BCKDHB: variants seen among roughly 807,000 people sequenced by gnomAD.
The protein encoded by BCKDHB is branched chain keto acid dehydrogenase E1 subunit beta, also known as 2-oxoisovalerate dehydrogenase subunit beta, mitochondrial.
Under a neutral mutation model 48.5 loss-of-function variants are expected in BCKDHB, and 41 were observed. That is an observed-to-expected ratio of 0.85 (90% CI 0.66 to 1.10). BCKDHB has a LOEUF of 1.10. Ranked by LOEUF, BCKDHB falls within the 50% of genes least tolerant of loss-of-function variation. The pLI is 0.00. For missense variants in BCKDHB, 496 were observed against 494.2 expected, an observed-to-expected ratio of 1.00 and a Z score of -0.03; for synonymous variants, 201 against 174.8, an observed-to-expected ratio of 1.15 and a Z score of -1.18.
chr6:80,407,714 G>A, the BCKDHB span, among the ~76,000 whole-genome samples: 8 of 152,172 alleles, frequency 5.3e-5, no homozygotes, highest in Non-Finnish European at 8.8e-5. Flanking sequence ...TGTATCCTGA[G>A]ACTTTGCTGA....
In BCKDHB at chr6:80,204,935, G is replaced by GAGGA. The variant is rs148492956; in HGVS notation, c.951+1724_951+1727dup. Among the ~76,000 whole-genome samples the GAGGA allele has an allele frequency of 9.3e-3, 1,416 of 152,172 alleles. 29 individuals carry two copies. The highest frequency in any genetic ancestry group is 0.032 in the African/African-American group (1,347 of 41,542). On this transcript the variant is annotated intron_variant, in intron 8 of 9. Coordinates refer to ENST00000320393, the MANE Select transcript of BCKDHB (RefSeq NM_183050.4). Reference sequence around the variant, plus strand: ...CTCTATCCTACTGGGAAAGATGAAAGAGGAGACAAGCGATCTCTACTGAAT... The same window carrying GAGGA: ...CTCTATCCTACTGGGAAAGATGAAAGAGGAAGGAGACAAGCGATCTCTACTGAAT...
At chr6:80,402,979 C>A in the BCKDHB span, among the ~76,000 whole-genome samples, 1 of 151,778 alleles carries the variant, frequency 6.6e-6, no homozygotes, top group Non-Finnish European at 1.5e-5. Flanking sequence ...GTTTTTATAA[C>A]AGTATCACAC....
chr6:80,216,683 A>G (rs1775187386), intron 8 of BCKDHB, among the ~76,000 whole-genome samples: 1 of 152,216 alleles, frequency 6.6e-6, no homozygotes, highest in South Asian at 2.1e-4. Flanking sequence ...TTATAGGTAC[A>G]TTATGTTCTT....
chr6:80,159,328 C>G (rs1772203841), intron 3 of BCKDHB, among the ~76,000 whole-genome samples: 1 of 152,004 alleles, frequency 6.6e-6, no homozygotes, highest in Admixed American at 6.6e-5. Flanking sequence ...ATCTTCTCAA[C>G]TAGTACAGAG....
In BCKDHB at chr6:80,163,233, C is replaced by T. The variant is rs545199900; in HGVS notation, c.344-4445C>T. 3.9e-5 allele frequency among the ~76,000 whole-genome samples: 6 copies of T among 152,058 alleles called. No homozygotes were observed. In the East Asian group the frequency reaches 9.7e-4, roughly 25 times the overall value. ...TCTCTCTTTTATAGCACCGTTTCTC[C>T]ATATAATTGTCACTACTCATTGTCT... On this transcript the variant is annotated intron_variant, in intron 3 of 9. Transcript: ENST00000320393.
At chr6:80,235,632 C>G (rs1478371006) in intron 8 of BCKDHB, among the ~76,000 whole-genome samples, 12 of 152,170 alleles carry the variant, frequency 7.9e-5, no homozygotes, top group Admixed American at 2.6e-4. Flanking sequence ...TTGATTGCCA[C>G]ATTAATTATG....
chr6:80,412,073 C>T, the BCKDHB span, among the ~76,000 whole-genome samples: 1 of 152,054 alleles, frequency 6.6e-6, no homozygotes, highest in Non-Finnish European at 1.5e-5. Context: ...GGAGCTCTTC[C>T]TATTTGGCCA....
chr6:80,396,553 T>C, the BCKDHB span, among the ~76,000 whole-genome samples: 2 of 152,194 alleles, frequency 1.3e-5, no homozygotes, highest in Non-Finnish European at 2.9e-5. Context: ...TTGAATAATA[T>C]GGTTTGGCTG....
At chr6:80,183,141 C>G (rs1415964918) in intron 6 of BCKDHB, among the ~76,000 whole-genome samples, 1 of 152,072 alleles carries the variant, frequency 6.6e-6, no homozygotes, top group East Asian at 1.9e-4. Context: ...ACCTGTATCT[C>G]TTAATCCCTT....
At chr6:80,218,816 T>C (rs2127855682) in intron 8 of BCKDHB, among the ~76,000 whole-genome samples, 1 of 152,324 alleles carries the variant, frequency 6.6e-6, no homozygotes, top group South Asian at 2.1e-4. Context: ...GAACATTACA[T>C]TGTTTTATAA....
chr6:80,175,953 A>G (rs1454442061), intron 6 of BCKDHB, among the ~76,000 whole-genome samples: 1 of 152,198 alleles, frequency 6.6e-6, no homozygotes, highest in East Asian at 1.9e-4. Context: ...GGGGAACAAG[A>G]ACAAAATAGA....
At chr6:80,289,147 G>C (rs1766782577) in intron 9 of BCKDHB, among the ~76,000 whole-genome samples, 3 of 152,278 alleles carry the variant, frequency 2.0e-5, no homozygotes, top group Non-Finnish European at 2.9e-5. Flanking sequence ...TGTGAGGAAA[G>C]AGTAGTTCTT....
At chr6:80,209,207 A>C (rs565293548) in intron 8 of BCKDHB, among the ~76,000 whole-genome samples, 1 of 151,994 alleles carries the variant, frequency 6.6e-6, no homozygotes. Context: ...AGCAAAAATT[A>C]TAATTCCTAG....
At chr6:80,390,911 G>A in the BCKDHB span, among the ~76,000 whole-genome samples, 4 of 152,050 alleles carry the variant, frequency 2.6e-5, no homozygotes, top group Non-Finnish European at 4.4e-5. Context: ...TCGAGTGGGC[G>A]CCATCCAATC....
the BCKDHB span, among the ~76,000 whole-genome samples, chr6:80,413,985 C>G: frequency 6.6e-6 from 1 of 152,018 alleles, no homozygotes; most frequent in Non-Finnish European, 1.5e-5. Context: ...TTTTTAATAA[C>G]AGCCATTCTG....
chr6:80,434,343 A>T, the BCKDHB span, among the ~76,000 whole-genome samples: 3 of 151,430 alleles, frequency 2.0e-5, no homozygotes, highest in Non-Finnish European at 4.4e-5. Flanking sequence ...TCAGTCTACA[A>T]AGTAGACTGA....
At chr6:80,389,713 T>C in the BCKDHB span, among the ~76,000 whole-genome samples, 1 of 152,156 alleles carries the variant, frequency 6.6e-6, no homozygotes, top group East Asian at 1.9e-4. Flanking sequence ...TATAGAATGG[T>C]GGAATGGCCT....
chr6:80,178,060 CCA>C (rs1277743457), intron 6 of BCKDHB, among the ~76,000 whole-genome samples: 1 of 152,152 alleles, frequency 6.6e-6, no homozygotes, highest in Non-Finnish European at 1.5e-5. Flanking sequence ...CTTATCTTAC[CCA>C]ATGTGGTTCT....
chr6:80,439,176 A>G, the BCKDHB span, among the ~76,000 whole-genome samples: 1 of 152,202 alleles, frequency 6.6e-6, no homozygotes, highest in Admixed American at 6.5e-5. Context: ...TAACTGCTAG[A>G]GAGGCTGAGA....
Sources: allele counts gnomAD v4.1 joint callset (sites outside exome capture counted in the v4.1 genomes callset), GRCh38; gene constraint gnomAD v4.1.1; transcripts MANE v1.5; gene names NCBI Gene and HGNC (gene_info 2026-07-23, HGNC 2026-07-21).